The following PPFIA2 variants were observed in gnomAD, a reference collection of about 807,000 sequenced individuals.
PPFIA2 encodes the protein PPFI scaffold protein A2.
PPFIA2 carries 46 observed loss-of-function variants against 175.5 expected under a neutral mutation model. That is an observed-to-expected ratio of 0.26 (90% confidence interval 0.21 to 0.34). The LOEUF is 0.34. Among genes scored for constraint, PPFIA2 ranks in the 10% least tolerant of loss-of-function variants. The pLI is 1.00. For missense variants in PPFIA2, 1,179 were observed against 1,506.1 expected, an observed-to-expected ratio of 0.78 and a Z score of 3.60; for synonymous variants, 568 against 511.4, an observed-to-expected ratio of 1.11 and a Z score of -1.49.
chr12:81,412,540 A>G (rs910869594), intron 7 of PPFIA2, among the ~76,000 whole-genome samples: 1 of 151,942 alleles, frequency 6.6e-6, no homozygotes, highest in African/African-American at 2.4e-5. Flanking sequence ...TTTAATGGCA[A>G]CAACCACAAT....
chr12:81,586,004 G>T (rs2075258984), intron 4 of PPFIA2, among the ~76,000 whole-genome samples: 1 of 151,802 alleles, frequency 6.6e-6, no homozygotes, highest in Non-Finnish European at 1.5e-5. Flanking sequence ...CTTTGTGATA[G>T]AAATTTTTCA....
chr12:81,387,055 C>T (rs1566597723), intron 8 of PPFIA2, among the ~76,000 whole-genome samples: 1 of 151,992 alleles, frequency 6.6e-6, no homozygotes, highest in Non-Finnish European at 1.5e-5. Context: ...CCCATCGACA[C>T]CTGTGTTACA....
intron 4 of PPFIA2, among the ~76,000 whole-genome samples, chr12:81,624,252 A>G (rs906185438): frequency 6.6e-5 from 10 of 151,536 alleles, no homozygotes; most frequent in Non-Finnish European, 1.2e-4. Flanking sequence ...TTGAGAAAAT[A>G]TAGAGTAGAT....
At chr12:81,721,099 G>A (rs571104845) in intron 3 of PPFIA2, among the ~76,000 whole-genome samples, 107 of 150,208 alleles carry the variant, frequency 7.1e-4, no homozygotes, top group Non-Finnish European at 5.8e-4. Flanking sequence ...AAAGGTGGCC[G>A]TTTTTATTGC....
At chr12:81,262,148 G>GACC (rs1344868250) in intron 31 of PPFIA2, 108 bp from the exon 32 acceptor site, 1 of 751,898 alleles carries the variant, frequency 1.3e-6, no homozygotes, top group Non-Finnish European at 2.3e-6. Context: ...CATATTAGTA[G>GACC]ACCTTCTTTC....
intron 14 of PPFIA2, among the ~76,000 whole-genome samples, chr12:81,365,962 ATCCCTCCC>A (rs141006203): frequency 0.068 from 6,518 of 95,528 alleles, 648 homozygotes; most frequent in African/African-American, 0.11. Context: ...ATCCCATACT[ATCCCTCCC>A]TCCCTCCCTC....
At chr12:81,444,144 G>A (rs564217759) in intron 6 of PPFIA2, among the ~76,000 whole-genome samples, 29 of 152,152 alleles carry the variant, frequency 1.9e-4, no homozygotes, top group Admixed American at 1.8e-3. Flanking sequence ...GTGAGCCACC[G>A]CGCCCGGCCA....
intron 4 of PPFIA2, among the ~76,000 whole-genome samples, chr12:81,506,686 T>C (rs1314205540): frequency 6.6e-6 from 1 of 152,200 alleles, no homozygotes; most frequent in East Asian, 1.9e-4. Flanking sequence ...ACCAGGATGG[T>C]CTAAAGTAGG....
At chr12:81,407,505 A>AATAAC (rs964460168) in intron 7 of PPFIA2, among the ~76,000 whole-genome samples, 4 of 151,152 alleles carry the variant, frequency 2.6e-5, no homozygotes, top group Admixed American at 2.6e-4. Flanking sequence ...AATAAAATAA[A>AATAAC]ATAAAATAAA....
chr12:81,461,037 C>T (rs2054445622), intron 4 of PPFIA2, among the ~76,000 whole-genome samples: 1 of 152,080 alleles, frequency 6.6e-6, no homozygotes. Flanking sequence ...GGTCATCAAA[C>T]TTTCAGTGCT....
At chr12:81,480,585 G>T (rs2058091194) in intron 4 of PPFIA2, among the ~76,000 whole-genome samples, 1 of 152,130 alleles carries the variant, frequency 6.6e-6, no homozygotes, top group Non-Finnish European at 1.5e-5. Context: ...ACCTTCGGAT[G>T]GGGTTTCTGT....
intron 5 of PPFIA2, among the ~76,000 whole-genome samples, chr12:81,446,180 T>C (rs147367465): frequency 2.0e-4 from 30 of 152,368 alleles, no homozygotes; most frequent in African/African-American, 7.0e-4. Flanking sequence ...TACTTTAACT[T>C]AATCACATGG....
intron 4 of PPFIA2, chr12:81,598,119 G>A (rs1330158211): frequency 3.9e-6 from 6 of 1,520,546 alleles, no homozygotes; most frequent in Non-Finnish European, 4.4e-6. Flanking sequence ...TGCATGCATT[G>A]AGGGAGACTA....
chr12:81,266,395 T>G (rs752226880), intron 30 of PPFIA2, among the ~76,000 whole-genome samples: 7 of 152,182 alleles, frequency 4.6e-5, no homozygotes, highest in Non-Finnish European at 1.0e-4. Context: ...CCAAATAACT[T>G]AATATGCACA....
chr12:81,572,936 C>T (rs971925430), intron 4 of PPFIA2, among the ~76,000 whole-genome samples: 1 of 151,690 alleles, frequency 6.6e-6, no homozygotes, highest in Non-Finnish European at 1.5e-5. Context: ...TTTGGGATGA[C>T]TTGTGTACTA....
At chr12:81,698,851 G>C (rs1222192214) in intron 3 of PPFIA2, among the ~76,000 whole-genome samples, 1 of 151,978 alleles carries the variant, frequency 6.6e-6, no homozygotes, top group Admixed American at 6.6e-5. Context: ...TAGTGGTTTT[G>C]AGTAGACTGT....
chr12:81,613,113 T>C (rs933402782), intron 4 of PPFIA2, among the ~76,000 whole-genome samples: 4 of 152,222 alleles, frequency 2.6e-5, no homozygotes, highest in Admixed American at 1.3e-4. Context: ...CATTTTATTA[T>C]ATGCTGTTAG....
chr12:81,448,705 C>T (rs1426868799), intron 5 of PPFIA2, among the ~76,000 whole-genome samples: 3 of 152,194 alleles, frequency 2.0e-5, no homozygotes, highest in Non-Finnish European at 4.4e-5. Context: ...GTCCCCACAA[C>T]AGGGGTTTTG....
intron 4 of PPFIA2, among the ~76,000 whole-genome samples, chr12:81,669,227 T>C (rs1255938992): frequency 6.6e-6 from 1 of 152,024 alleles, no homozygotes; most frequent in Non-Finnish European, 1.5e-5. Flanking sequence ...CATTTGCTAT[T>C]GTCATTTTTA....
Sources: gnomAD v4.1 joint callset for allele counts (sites outside exome capture counted in the v4.1 genomes callset) on GRCh38, gnomAD v4.1.1 for gene constraint, MANE v1.5 for transcripts, NCBI Gene and HGNC (gene_info 2026-07-23, HGNC 2026-07-21) for gene names.